The following PPM1G variants were observed in gnomAD, a reference collection of about 807,000 sequenced individuals.
PPM1G encodes the protein protein phosphatase 1G.
PPM1G carries 12 observed loss-of-function variants against 59.4 expected under a neutral mutation model. The observed-to-expected ratio is 0.20, with a 90% CI of 0.13 to 0.33. PPM1G has a LOEUF of 0.33. Ranked by LOEUF, PPM1G falls within the 10% of genes least tolerant of loss-of-function variation. The pLI, the probability that PPM1G is intolerant of heterozygous loss-of-function variation, is 1.00. For synonymous variants in PPM1G, 245 were observed against 251.9 expected, an observed-to-expected ratio of 0.97 and a Z score of 0.26; for missense variants, 392 against 681.3, an observed-to-expected ratio of 0.58 and a Z score of 4.73.
chr2:27,386,320 C>T (rs747810180), intron 2 of PPM1G, 41 bp from the exon 3 acceptor site: 1 of 1,377,200 alleles, frequency 7.3e-7, no homozygotes, highest in South Asian at 1.2e-5. Flanking sequence ...GCACTGCTCC[C>T]CACACATAGA....
At chr2:27,391,443 C>T (rs1046495261) in intron 1 of PPM1G, among the ~76,000 whole-genome samples, 2 of 152,080 alleles carry the variant, frequency 1.3e-5, no homozygotes, top group African/African-American at 4.8e-5. Context: ...TAGAAATGGG[C>T]GTTTTTTCAT....
At position 27,384,121 on chromosome 2, in the gene PPM1G, A is replaced by T. The variant is rs750034065; in HGVS notation, c.826-29T>A. 1 of 1,613,696 alleles carries T rather than the reference A, an allele frequency of 6.2e-7. No homozygotes were observed. The highest frequency in any genetic ancestry group is 1.3e-5 in the African/African-American group (1 of 75,000). On this transcript the variant is annotated intron_variant, in intron 5 of 9. Coordinates refer to ENST00000344034, the MANE Select transcript of PPM1G (RefSeq NM_177983.3). This position sits in a 1 kb window ranked among gnomAD's most constrained non-coding sequence, Gnocchi z 4.8. ...CCAGGGGGAGGATCCCAGACTGCTG[A>T]GACTGGGATGATCCCCTCCCTCCCC...
In PPM1G at chr2:27,382,572, G is replaced by A; in HGVS notation, c.1235C>T (p.Pro412Leu). 1.9e-6 allele frequency: 3 copies of A among 1,614,198 alleles called. No homozygotes were observed. Among genetic ancestry groups the A allele is most frequent in the Non-Finnish European group, 2.5e-6 (3 of 1,180,020 alleles). ...GGCTGAAATCATCTGTTCCTCAGGTGGCAGGTTCTTGTTTCTCTTATAGAA... is the reference window on the plus strand; with the variant it reads ...GGCTGAAATCATCTGTTCCTCAGGTAGCAGGTTCTTGTTTCTCTTATAGAA... ...DHFYKRNKNLPPEEQMISALP... is the reference protein window; with the variant it reads ...DHFYKRNKNLLPEEQMISALP... The change falls in exon 8 of 10, where the codon CCA becomes CTA. Residue 412 changes from proline to leucine, a missense_variant. Around this residue, in one of 6 missense-constraint regions of PPM1G, gnomAD observed 53 missense variants for 175.4 expected, o/e 0.30. Transcript: ENST00000344034. This position sits in a 1 kb window ranked among gnomAD's most constrained non-coding sequence, Gnocchi z 4.2.
Position 27,384,106 on chromosome 2 carries a change from G to A in PPM1G, c.826-14C>T. The A allele has an allele frequency of 6.2e-7, 1 of 1,613,892 alleles. No homozygotes were observed. The highest frequency in any genetic ancestry group is 8.5e-7 in the Non-Finnish European group (1 of 1,179,932). ...CTCGCTGCATTCCTGCCAGGGGGAG[G>A]ATCCCAGACTGCTGAGACTGGGATG... On this transcript the variant is annotated splice_polypyrimidine_tract_variant and intron_variant, in intron 5 of 9. Coordinates refer to ENST00000344034, the MANE Select transcript of PPM1G (RefSeq NM_177983.3). This position sits in a 1 kb window ranked among gnomAD's most constrained non-coding sequence, Gnocchi z 4.8.
At chr2:27,408,245 C>G (rs1402214628) in intron 1 of PPM1G, among the ~76,000 whole-genome samples, 1 of 152,116 alleles carries the variant, frequency 6.6e-6, no homozygotes, top group Non-Finnish European at 1.5e-5. Context: ...GAAACAATTC[C>G]CAAGGGAGAC....
Position 27,383,095 on chromosome 2 carries a change from C to T in PPM1G, c.1201+271G>A, listed in dbSNP as rs915406518. Among the ~76,000 whole-genome samples the T allele has an allele frequency of 1.3e-5, 2 of 151,982 alleles. No homozygotes were observed. The highest frequency in any genetic ancestry group is 4.8e-5 in the African/African-American group (2 of 41,388). On this transcript the variant is annotated intron_variant, in intron 7 of 9. Transcript: ENST00000344034. This position sits in a 1 kb window ranked among gnomAD's most constrained non-coding sequence, Gnocchi z 5.0. ...AGGCGATCCACCAGCCTCAGCCTCC[C>T]AAAGTGCTGGGATTACAGGCGTGAG...
chr2:27,388,800 A>G (rs746429060), intron 1 of PPM1G, among the ~76,000 whole-genome samples: 15 of 151,232 alleles, frequency 9.9e-5, no homozygotes, highest in Non-Finnish European at 2.1e-4. Context: ...GCGTGAACCC[A>G]GGAGGCAGAG....
chr2:27,387,856 T>C (rs1229050293), intron 1 of PPM1G, among the ~76,000 whole-genome samples: 3 of 152,062 alleles, frequency 2.0e-5, no homozygotes, highest in Non-Finnish European at 2.9e-5. Context: ...TGGAGGGCAG[T>C]GGTGCGATCT....
chr2:27,384,836 C>T lies in PPM1G; in HGVS notation c.662G>A (p.Gly221Glu), dbSNP rs1683722351. The T allele has an allele frequency of 6.2e-7, 1 of 1,614,106 alleles. No individual in the cohort carries two copies. Among genetic ancestry groups the T allele is most frequent in the African/African-American group, 1.3e-5 (1 of 74,934 alleles). ...CTCACCAACTTGGCCTGCCTCAGTC[C>T]CACGTTCCGAGTTGGAGGAAAAGCC... ...YTGFSSNSERGTEAGQVGEPG... is the reference protein window; with the variant it reads ...YTGFSSNSERETEAGQVGEPG... Residue 221 changes from glycine to glutamate, a missense_variant, in exon 5 of 10, where the codon GGG becomes GAG. Around this residue, in one of 6 missense-constraint regions of PPM1G, gnomAD observed 188 missense variants for 248.8 expected, o/e 0.76. Coordinates refer to ENST00000344034, the MANE Select transcript of PPM1G (RefSeq NM_177983.3). The surrounding 1 kb of genome is among the most constrained non-coding windows in gnomAD (Gnocchi z 4.8).
chr2:27,389,930 T>C (rs988703632), intron 1 of PPM1G, among the ~76,000 whole-genome samples: 4 of 152,174 alleles, frequency 2.6e-5, no homozygotes, highest in African/African-American at 9.7e-5. Context: ...GATGCACCAC[T>C]GCACTCCAGC....
At chr2:27,409,157 C>A (rs1663453166) in intron 1 of PPM1G, 146 bp downstream of exon 1, 2 of 1,222,526 alleles carry the variant, frequency 1.6e-6, no homozygotes, top group Non-Finnish European at 2.2e-6. Flanking sequence ...GCCCTGACCC[C>A]GCGGTCTCTG....
intron 1 of PPM1G, among the ~76,000 whole-genome samples, chr2:27,389,156 C>A (rs960639981): frequency 2.0e-5 from 3 of 152,076 alleles, no homozygotes; most frequent in Non-Finnish European, 2.9e-5. Context: ...ACAATATCCA[C>A]CACATCCACA....
intron 1 of PPM1G, 43 bp from the exon 2 acceptor site, chr2:27,387,201 A>T: frequency 6.6e-7 from 1 of 1,522,932 alleles, no homozygotes; most frequent in Non-Finnish European, 9.1e-7. Flanking sequence ...AAGGTCGAAG[A>T]ATATTCCTCA....
chr2:27,390,519 G>A (rs1683873609), intron 1 of PPM1G, among the ~76,000 whole-genome samples: 1 of 152,146 alleles, frequency 6.6e-6, no homozygotes, highest in Non-Finnish European at 1.5e-5. Context: ...GAGGCCAGGA[G>A]TTCAAGCCTG....
chr2:27,389,312 TTTCTTTTTTG>T (rs1352683254), intron 1 of PPM1G, among the ~76,000 whole-genome samples: 1 of 152,198 alleles, frequency 6.6e-6, no homozygotes, highest in African/African-American at 2.4e-5. Context: ...ATTTCACATT[TTTCTTTTTTG>T]TTCTTTTTCT....
chr2:27,382,616 G>C lies in PPM1G; in HGVS notation c.1202-11C>G. The C allele has an allele frequency of 3.1e-6, 5 of 1,614,096 alleles. No homozygotes were observed. Among genetic ancestry groups the C allele is most frequent in the Non-Finnish European group, 4.2e-6 (5 of 1,179,972 alleles). On this transcript the variant is annotated splice_polypyrimidine_tract_variant and intron_variant, in intron 7 of 9. Coordinates refer to ENST00000344034, the MANE Select transcript of PPM1G (RefSeq NM_177983.3). This position sits in a 1 kb window ranked among gnomAD's most constrained non-coding sequence, Gnocchi z 4.2. ...TATAGAAGTGGTCCCCTGGAGTAAA[G>C]GAATGGTTGATGAGCAGTTTGGATA...
intron 3 of PPM1G, 135 bp downstream of exon 3, chr2:27,386,059 C>A: frequency 1.6e-6 from 2 of 1,238,862 alleles, no homozygotes; most frequent in East Asian, 2.3e-5. Flanking sequence ...CCAATAAGCT[C>A]GTTTTAGGAA....
intron 1 of PPM1G, among the ~76,000 whole-genome samples, chr2:27,392,306 T>G (rs1039504925): frequency 2.2e-4 from 33 of 147,470 alleles, no homozygotes; most frequent in South Asian, 1.7e-3. Context: ...TTTTTTTTTT[T>G]TTTTGAGAGA....
chr2:27,390,697 T>C (rs1683879393), intron 1 of PPM1G, among the ~76,000 whole-genome samples: 1 of 152,162 alleles, frequency 6.6e-6, no homozygotes, highest in Non-Finnish European at 1.5e-5. Context: ...CATGTGTAAG[T>C]TTGTTAGAAA....
Sources: allele counts gnomAD v4.1 joint callset (sites outside exome capture counted in the v4.1 genomes callset), GRCh38; gene constraint gnomAD v4.1.1; regional missense constraint gnomAD v4.1.1; non-coding constraint Gnocchi (gnomAD v3.1); transcripts MANE v1.5; gene names NCBI Gene and HGNC (gene_info 2026-07-23, HGNC 2026-07-21).